ZNF503: variants seen among roughly 807,000 people sequenced by gnomAD.
ZNF503 encodes zinc finger protein 503, also known as NocA-like zinc finger 2.
ZNF503 carries 15 observed loss-of-function variants against 34.4 expected under a neutral mutation model. The observed-to-expected ratio is 0.44, with a 90% CI of 0.29 to 0.67. The LOEUF (loss-of-function observed/expected upper bound fraction) is 0.67. Among genes scored for constraint, ZNF503 ranks in the 30% least tolerant of loss-of-function variants. The pLI is 0.13. For missense variants in ZNF503, 1,007 were observed against 926.8 expected (o/e 1.09, Z -1.12); for synonymous variants, 580 against 456.8 (o/e 1.27, Z -3.44).
the ZNF503 span, among the ~76,000 whole-genome samples, chr10:75,320,389 G>T: frequency 3.3e-5 from 5 of 152,294 alleles, no homozygotes; most frequent in Admixed American, 3.3e-4. Flanking sequence ...GCTGAGACAG[G>T]AGAATCACTT....
At chr10:75,365,820 GGTT>G in the ZNF503 span, among the ~76,000 whole-genome samples, 208 of 152,324 alleles carry the variant, frequency 1.4e-3, 2 homozygotes, top group South Asian at 0.043. Flanking sequence ...TGTCTGCTTA[GGTT>G]GTTGTTACTT....
chr10:75,346,581 A>T, the ZNF503 span, among the ~76,000 whole-genome samples: 6 of 151,090 alleles, frequency 4.0e-5, 1 homozygote, highest in African/African-American at 1.5e-4. Context: ...CTGAGACTAT[A>T]GGCATGTGCC....
chr10:75,315,490 G>A, the ZNF503 span, among the ~76,000 whole-genome samples: 2 of 152,344 alleles, frequency 1.3e-5, no homozygotes, highest in Admixed American at 1.3e-4. Flanking sequence ...TTCTATATGT[G>A]ATTGAAATGG....
chr10:75,291,592 C>T, the ZNF503 span, among the ~76,000 whole-genome samples: 1 of 152,162 alleles, frequency 6.6e-6, no homozygotes, highest in Non-Finnish European at 1.5e-5. Flanking sequence ...GCCTGGGCAA[C>T]ACAGTGAGAC....
At chr10:75,286,795 G>A in the ZNF503 span, among the ~76,000 whole-genome samples, 1 of 152,226 alleles carries the variant, frequency 6.6e-6, no homozygotes, top group Non-Finnish European at 1.5e-5. Flanking sequence ...AGGGGGCCAG[G>A]GCTGAGACAG....
chr10:75,286,749 G>A, the ZNF503 span, among the ~76,000 whole-genome samples: 1 of 152,160 alleles, frequency 6.6e-6, no homozygotes, highest in Non-Finnish European at 1.5e-5. Context: ...TGGGGGAAAG[G>A]TGTCCCACAC....
At chr10:75,380,803 G>A in the ZNF503 span, among the ~76,000 whole-genome samples, 1 of 152,188 alleles carries the variant, frequency 6.6e-6, no homozygotes, top group Non-Finnish European at 1.5e-5. Flanking sequence ...TTCTGCAGAA[G>A]AGGTAATATT....
chr10:75,387,099 C>T, the ZNF503 span, among the ~76,000 whole-genome samples: 1 of 152,254 alleles, frequency 6.6e-6, no homozygotes, highest in South Asian at 2.1e-4. Context: ...AGGCTCACAA[C>T]TCTGTCTGGG....
chr10:75,381,145 C>T, the ZNF503 span, among the ~76,000 whole-genome samples: 1 of 152,254 alleles, frequency 6.6e-6, no homozygotes, highest in East Asian at 1.9e-4. Context: ...GTCTTGTGAC[C>T]GAATTCTGGC....
At chr10:75,394,286 C>A (rs1302211640), downstream of ZNF503, among the ~76,000 whole-genome samples, 1 of 152,212 alleles carries the variant, frequency 6.6e-6, no homozygotes, top group Admixed American at 6.5e-5. Context: ...CTAATGACCT[C>A]ATGGAACTGT....
chr10:75,334,265 A>G, the ZNF503 span, among the ~76,000 whole-genome samples: 3 of 152,186 alleles, frequency 2.0e-5, no homozygotes, highest in Non-Finnish European at 4.4e-5. Flanking sequence ...AAATTTTTCA[A>G]TTGATTATTT....
the ZNF503 span, among the ~76,000 whole-genome samples, chr10:75,377,987 G>C: frequency 2.6e-5 from 4 of 152,114 alleles, no homozygotes; most frequent in East Asian, 7.7e-4. Context: ...CAGAACAGGA[G>C]GAAGAGAGAG....
At position 75,399,640 on chromosome 10, in the gene ZNF503, G is replaced by T. The variant is rs777547751; in HGVS notation, c.1050C>A (p.Phe350Leu). ...VSPYKPGQTV[F>L]PLPPAGMTYP... is the part of the protein sequence containing the mutation. Reference sequence around the variant, plus strand: ...AGGTCATACCCGCGGGAGGCAGAGGGAACACTGTCTGGCCCGGCTTGTAGG... The same window carrying T: ...AGGTCATACCCGCGGGAGGCAGAGGTAACACTGTCTGGCCCGGCTTGTAGG... The change falls in exon 2 of 2, where the codon TTC becomes TTA. Residue 350 changes from phenylalanine to leucine, a missense_variant. Phe to Leu is a conservative substitution (Grantham distance 22, BLOSUM62 0). Transcript: ENST00000372524. 1.1e-5 allele frequency: 18 copies of T among 1,599,110 alleles called. No individual in the cohort carries two copies. Among genetic ancestry groups the T allele is most frequent in the Non-Finnish European group, 1.5e-5 (18 of 1,179,712 alleles).
At chr10:75,321,748 G>A in the ZNF503 span, among the ~76,000 whole-genome samples, 20 of 152,144 alleles carry the variant, frequency 1.3e-4, no homozygotes, top group Non-Finnish European at 2.5e-4. Context: ...GATTTGACCT[G>A]CTGCTTCTAA....
downstream of ZNF503, among the ~76,000 whole-genome samples, chr10:75,394,054 G>T (rs1843671477): frequency 6.6e-6 from 1 of 152,200 alleles, no homozygotes; most frequent in Non-Finnish European, 1.5e-5. Flanking sequence ...CAGCCAAGGT[G>T]AGAATCCCTG....
chr10:75,293,572 T>C, the ZNF503 span, among the ~76,000 whole-genome samples: 2 of 151,900 alleles, frequency 1.3e-5, no homozygotes, highest in Non-Finnish European at 2.9e-5. Flanking sequence ...AGGCTTCTGT[T>C]TGACTTCTCA....
chr10:75,340,852 C>T, the ZNF503 span, among the ~76,000 whole-genome samples: 2 of 152,142 alleles, frequency 1.3e-5, no homozygotes, highest in African/African-American at 2.4e-5. Flanking sequence ...CCACCCACCT[C>T]GGCCTCCCAA....
chr10:75,401,169 G>A lies in ZNF503; in HGVS notation c.251C>T (p.Thr84Ile). The change falls in exon 1 of 2, where the codon ACT becomes ATT. Residue 84 changes from threonine to isoleucine, a missense_variant. Coordinates refer to ENST00000372524, the MANE Select transcript of ZNF503 (RefSeq NM_032772.6). The part of the protein sequence containing the change: ...IKVLKMLTAR[T>I]GHILHPEYLQ... The stretch of plus-strand genomic sequence containing the variant: ...GTACTCGGGGTGCAAAATGTGGCCA[G>A]TTCGTGCCGTCAGCATCTTCAGCAC... The A allele has an allele frequency of 1.2e-6, 2 of 1,611,574 alleles. No homozygotes were observed. The highest frequency in any genetic ancestry group is 2.2e-5 in the East Asian group (1 of 44,846).
the ZNF503 span, among the ~76,000 whole-genome samples, chr10:75,324,257 T>C: frequency 6.6e-6 from 1 of 152,090 alleles, no homozygotes; most frequent in Admixed American, 6.5e-5. Flanking sequence ...CCTGTATTTC[T>C]TCTAGAAGTA....
Sources: allele counts gnomAD v4.1 joint callset (sites outside exome capture counted in the v4.1 genomes callset), GRCh38; gene constraint gnomAD v4.1.1; transcripts MANE v1.5; gene names NCBI Gene and HGNC (gene_info 2026-07-23, HGNC 2026-07-21).